Variants in PPME1 observed in about 807,000 individuals in gnomAD.
PPME1 encodes protein phosphatase methylesterase 1.
In PPME1, 17 loss-of-function variants were observed where a neutral mutation model predicts 56.9. The ratio of observed to expected loss-of-function variants is 0.30; its 90% CI spans 0.20 to 0.45. The LOEUF (loss-of-function observed/expected upper bound fraction) is 0.45. Among genes scored for constraint, PPME1 ranks in the 20% least tolerant of loss-of-function variants. The probability of loss-of-function intolerance (pLI) is 1.00; values close to 1 mark genes in which losing one functional copy is unlikely to be tolerated. For missense variants in PPME1, 357 were observed against 483.2 expected (o/e 0.74, Z 2.45); for synonymous variants, 122 against 156.2 (o/e 0.78, Z 1.63).
At chr11:74,199,391 A>T (rs1468952375) in intron 1 of PPME1, among the ~76,000 whole-genome samples, 1 of 152,224 alleles carries the variant, frequency 6.6e-6, no homozygotes, top group African/African-American at 2.4e-5. Flanking sequence ...TTGTCCCAGC[A>T]TCCCCCATTA....
intron 11 of PPME1, chr11:74,249,281 G>A (rs1166353464): frequency 6.6e-6 from 1 of 152,214 alleles, no homozygotes; most frequent in Non-Finnish European, 1.5e-5. Flanking sequence ...AACTGACTTA[G>A]TTATGAAATC....
intron 5 of PPME1, among the ~76,000 whole-genome samples, chr11:74,228,292 G>A (rs1213420022): frequency 6.6e-6 from 1 of 152,064 alleles, no homozygotes; most frequent in Non-Finnish European, 1.5e-5. Context: ...GAAACTGTAT[G>A]TGTAATAATT....
intron 7 of PPME1, among the ~76,000 whole-genome samples, chr11:74,232,860 A>ATTTTTTT (rs35057762): frequency 1.5e-4 from 14 of 93,844 alleles, no homozygotes; most frequent in African/African-American, 6.0e-4. Flanking sequence ...TTGTTATTTG[A>ATTTTTTT]TTTTTTTTTT....
At chr11:74,252,496 TC>T (rs995983211) in intron 13 of PPME1, 26 of 456,632 alleles carry the variant, frequency 5.7e-5, no homozygotes, top group African/African-American at 4.0e-4. Context: ...TTGCTTCCCC[TC>T]CCTTTCCGAA....
intron 7 of PPME1, among the ~76,000 whole-genome samples, chr11:74,234,446 A>G (rs1859143643): frequency 6.6e-6 from 1 of 152,212 alleles, no homozygotes; most frequent in Non-Finnish European, 1.5e-5. Context: ...GCTTGGGAAG[A>G]AGAGGAAGAT....
chr11:74,247,008 A>G (rs1859519891), intron 10 of PPME1, 71 bp from the exon 11 acceptor site: 5 of 1,289,948 alleles, frequency 3.9e-6, no homozygotes, highest in Non-Finnish European at 5.5e-6. Flanking sequence ...CATATTTAAA[A>G]CTTTGTAACA....
intron 1 of PPME1, among the ~76,000 whole-genome samples, chr11:74,186,545 G>T (rs907122224): frequency 2.6e-5 from 4 of 152,138 alleles, no homozygotes; most frequent in African/African-American, 9.7e-5. Context: ...TTTGGAAAAT[G>T]GGGATAATAA....
At chr11:74,229,010 C>G (rs77626818) in intron 5 of PPME1, among the ~76,000 whole-genome samples, 4,997 of 152,202 alleles carry the variant, frequency 0.033, 247 homozygotes, top group African/African-American at 0.11. Context: ...GAATATTAAA[C>G]TATTTGTTTT....
At chr11:74,181,817 T>C (rs1229115996) in intron 1 of PPME1, among the ~76,000 whole-genome samples, 1 of 152,256 alleles carries the variant, frequency 6.6e-6, no homozygotes, top group East Asian at 1.9e-4. Context: ...TTGTGGGCCA[T>C]GTTAGTCTCT....
rs186101467 is a variant in PPME1 at position 74,180,918 on chromosome 11, A to G, written c.101+9396A>G. 3.1e-3 allele frequency among the ~76,000 whole-genome samples: 476 copies of G among 151,852 alleles called. 3 individuals carry two copies. The Middle Eastern group carries it at 0.034, about 11-fold the overall frequency. On this transcript the variant is annotated intron_variant, in intron 1 of 13. Transcript: ENST00000328257. ...AGCAAGTGGTCCACCATTAAAGGCT[A>G]GTGTTAAAAGCGCTCCAAAGTCATG...
chr11:74,239,457 T>TA (rs1247228470), intron 9 of PPME1, among the ~76,000 whole-genome samples: 1 of 152,172 alleles, frequency 6.6e-6, no homozygotes, highest in Non-Finnish European at 1.5e-5. Context: ...ACATAAAACT[T>TA]ACGCTATATA....
rs1012929578 is a variant in PPME1 at position 74,254,208 on chromosome 11, A to C, written c.*698A>C. ...CCCTGGGCTGAGGCCAGGCTGCTCC[A>C]GGGGCCTCCTGCGCCCTCACCTGCC... On this transcript the variant is annotated 3_prime_UTR_variant, in exon 14 of 14. Transcript: ENST00000328257. The C allele has an allele frequency of 3.3e-5, 5 of 153,122 alleles. No individual in the cohort carries two copies. Among genetic ancestry groups the C allele is most frequent in the African/African-American group, 9.6e-5 (4 of 41,466 alleles). The allele number at this position is 153,122 out of a possible 1,614,324, so 9.5% of individuals were successfully genotyped here.
intron 3 of PPME1, among the ~76,000 whole-genome samples, chr11:74,208,277 A>G (rs2044485238): frequency 1.3e-5 from 2 of 150,204 alleles, no homozygotes; most frequent in South Asian, 4.2e-4. Context: ...GTGCCACTGC[A>G]CTCCATGCTG....
chr11:74,188,900 G>C (rs987320158), intron 1 of PPME1, among the ~76,000 whole-genome samples: 1 of 152,036 alleles, frequency 6.6e-6, no homozygotes, highest in African/African-American at 2.4e-5. Flanking sequence ...TAATTGATTT[G>C]TACAAAGTGT....
chr11:74,217,938 A>T (rs532352633), intron 3 of PPME1, among the ~76,000 whole-genome samples: 5 of 152,210 alleles, frequency 3.3e-5, no homozygotes, highest in Middle Eastern at 3.2e-3. Flanking sequence ...AGCTAGAGCA[A>T]TCAGACAAGA....
At chr11:74,226,161 A>G (rs934107638) in intron 5 of PPME1, among the ~76,000 whole-genome samples, 5 of 152,138 alleles carry the variant, frequency 3.3e-5, no homozygotes, top group African/African-American at 9.7e-5. Flanking sequence ...TGTACTTTTT[A>G]TCTGCCAACT....
intron 11 of PPME1, chr11:74,249,525 G>A (rs1859599051): frequency 1.3e-5 from 2 of 152,234 alleles, no homozygotes; most frequent in South Asian, 4.1e-4. Context: ...AAGGACAAAT[G>A]CGTCCCTAGT....
In PPME1 at chr11:74,222,365, T is replaced by A; in HGVS notation, c.342T>A (p.Ser114Arg). The change falls in exon 4 of 14, where the codon AGT (serine) becomes AGA (arginine). Residue 114 changes from serine to arginine, a missense_variant. Physicochemically the swap from Ser to Arg is moderately radical, Grantham distance 110. Around this residue, in one of 2 missense-constraint regions of PPME1, gnomAD observed 175 missense variants for 189.4 expected, o/e 0.92. Coordinates refer to ENST00000328257, the MANE Select transcript of PPME1 (RefSeq NM_016147.3). The part of the protein sequence containing the change: ...QCRIVALDLR[S>R]HGETKVKNPE... ...GGATTGTAGCTTTGGATCTGCGAAG[T>A]CATGGTGAGTAAAGTTCTTAATTAG... 1 of 1,605,854 alleles carries A rather than the reference T, an allele frequency of 6.2e-7. No homozygotes were observed. Among genetic ancestry groups the A allele is most frequent in the Non-Finnish European group, 8.5e-7 (1 of 1,172,564 alleles).
At chr11:74,198,189 A>G (rs1006551310) in intron 1 of PPME1, among the ~76,000 whole-genome samples, 1 of 152,158 alleles carries the variant, frequency 6.6e-6, no homozygotes, top group African/African-American at 2.4e-5. Context: ...TTCTGCTGTC[A>G]ATCATCTTTC....
Sources: allele counts gnomAD v4.1 joint callset (sites outside exome capture counted in the v4.1 genomes callset), GRCh38; gene constraint gnomAD v4.1.1; regional missense constraint gnomAD v4.1.1; transcripts MANE v1.5; gene names NCBI Gene and HGNC (gene_info 2026-07-23, HGNC 2026-07-21).